Variants in NELL2 observed in about 807,000 individuals in gnomAD.
NELL2 encodes the protein neural EGFL like 2.
NELL2 carries 41 observed loss-of-function variants against 109.6 expected under a neutral mutation model. The observed-to-expected ratio is 0.37, with a 90% CI of 0.29 to 0.49. The LOEUF (loss-of-function observed/expected upper bound fraction) is 0.49, where lower values mean the gene tolerates loss of function less well. NELL2 is among the 20% of genes least tolerant of loss of function. The pLI, the probability that NELL2 is intolerant of heterozygous loss-of-function variation, is 0.98. For synonymous variants in NELL2, 355 were observed against 344.7 expected (o/e 1.03, Z -0.33); for missense variants, 900 against 1,008.3 (o/e 0.89, Z 1.45).
chr12:44,637,518 A>G (rs1329600390), intron 13 of NELL2, among the ~76,000 whole-genome samples: 1 of 136,910 alleles, frequency 7.3e-6, no homozygotes, highest in Non-Finnish European at 1.6e-5. Flanking sequence ...GTGAGCGAAT[A>G]ACAGGGAGAC....
intron 9 of NELL2, among the ~76,000 whole-genome samples, chr12:44,755,875 A>G (rs1940867674): frequency 2.6e-5 from 4 of 152,208 alleles, no homozygotes; most frequent in African/African-American, 9.6e-5. Context: ...GAATCAATCT[A>G]CTTTTCTCAT....
chr12:44,518,245 CTT>C (rs60721930), intron 19 of NELL2, among the ~76,000 whole-genome samples: 4 of 143,278 alleles, frequency 2.8e-5, no homozygotes, highest in East Asian at 2.0e-4. Context: ...CATTCAAATA[CTT>C]TTTTTTTTTT....
intron 2 of NELL2, among the ~76,000 whole-genome samples, chr12:44,839,433 A>G (rs991365276): frequency 3.3e-5 from 5 of 152,320 alleles, no homozygotes; most frequent in Middle Eastern, 3.4e-3. Context: ...TGTAACAATG[A>G]CCCAGATCAA....
upstream of NELL2, among the ~76,000 whole-genome samples, chr12:44,916,594 G>GCATCA (rs1592720726): frequency 1.3e-5 from 2 of 152,052 alleles, no homozygotes; most frequent in East Asian, 3.9e-4. Flanking sequence ...CACCTTCCTT[G>GCATCA]CACTCCTCAT....
chr12:44,657,080 A>G (rs561031558), intron 13 of NELL2, among the ~76,000 whole-genome samples: 2 of 152,372 alleles, frequency 1.3e-5, no homozygotes, highest in African/African-American at 4.8e-5. Context: ...TCTTTGCTTT[A>G]GTTGCTCAGC....
intron 15 of NELL2, among the ~76,000 whole-genome samples, chr12:44,586,327 CAT>C (rs1333394349): frequency 1.3e-5 from 2 of 149,538 alleles, no homozygotes; most frequent in Non-Finnish European, 3.0e-5. Flanking sequence ...TATATAAAAT[CAT>C]ATATATCGTA....
intron 9 of NELL2, among the ~76,000 whole-genome samples, chr12:44,738,392 A>G (rs1393807715): frequency 6.6e-6 from 1 of 152,142 alleles, no homozygotes; most frequent in Non-Finnish European, 1.5e-5. Flanking sequence ...AGATACAGAA[A>G]CATGGAAACA....
intron 13 of NELL2, among the ~76,000 whole-genome samples, chr12:44,620,812 CTT>C (rs758984219): frequency 6.6e-6 from 1 of 152,116 alleles, no homozygotes; most frequent in Non-Finnish European, 1.5e-5. Flanking sequence ...CTAAATAGCT[CTT>C]GTTTGGATTA....
intron 12 of NELL2, among the ~76,000 whole-genome samples, chr12:44,674,376 A>C (rs1027656339): frequency 2.6e-5 from 4 of 152,162 alleles, no homozygotes; most frequent in African/African-American, 9.6e-5. Context: ...AGAAAGGTTA[A>C]TGACTAAGAG....
intron 9 of NELL2, among the ~76,000 whole-genome samples, chr12:44,726,772 T>C (rs1939103867): frequency 6.6e-6 from 1 of 152,158 alleles, no homozygotes. Flanking sequence ...TTCAAAATCA[T>C]TCAACTTAAT....
intron 15 of NELL2, among the ~76,000 whole-genome samples, chr12:44,551,775 A>T (rs1227502543): frequency 6.6e-6 from 1 of 152,234 alleles, no homozygotes; most frequent in Non-Finnish European, 1.5e-5. Flanking sequence ...GGTAGGGCTT[A>T]GTGCCCAACT....
intron 16 of NELL2, among the ~76,000 whole-genome samples, chr12:44,528,075 G>A (rs1024681168): frequency 1.6e-5 from 2 of 124,682 alleles, no homozygotes; most frequent in African/African-American, 6.5e-5. Context: ...TCCAGCCTGG[G>A]CGACAGAGCG....
intron 19 of NELL2, among the ~76,000 whole-genome samples, chr12:44,517,834 C>T (rs1455146593): frequency 6.6e-6 from 1 of 152,094 alleles, no homozygotes; most frequent in Non-Finnish European, 1.5e-5. Context: ...CAATGCCCCA[C>T]ACGGTGTGTA....
At chr12:44,835,337 TGTGTTG>T (rs1448662765) in intron 2 of NELL2, among the ~76,000 whole-genome samples, 1 of 152,188 alleles carries the variant, frequency 6.6e-6, no homozygotes, top group Non-Finnish European at 1.5e-5. Flanking sequence ...AAATCATTAA[TGTGTTG>T]GTTCCTTTCA....
intron 2 of NELL2, among the ~76,000 whole-genome samples, chr12:44,869,875 G>T (rs1459192206): frequency 6.6e-6 from 1 of 152,082 alleles, no homozygotes; most frequent in African/African-American, 2.4e-5. Flanking sequence ...ATCAAGTTAT[G>T]AATATGTTTT....
At chr12:44,786,609 A>G (rs368208882) in intron 3 of NELL2, among the ~76,000 whole-genome samples, 2 of 152,328 alleles carry the variant, frequency 1.3e-5, no homozygotes, top group South Asian at 2.1e-4. Context: ...TACAATAGCA[A>G]AGACTTGGAA....
chr12:44,846,731 T>C (rs1012684930), intron 2 of NELL2, among the ~76,000 whole-genome samples: 6 of 151,578 alleles, frequency 4.0e-5, no homozygotes, highest in Admixed American at 3.3e-4. Context: ...CCCATGCCAA[T>C]AGCATATGTG....
chr12:44,879,889 G>A (rs1945391450), upstream of NELL2, among the ~76,000 whole-genome samples: 1 of 150,464 alleles, frequency 6.6e-6, no homozygotes, highest in Non-Finnish European at 1.5e-5. Context: ...CAGGTACAAG[G>A]TCCGAGATCA....
At chr12:44,891,996 TA>T (rs1390665996) in intron 1 of NELL2, among the ~76,000 whole-genome samples, 6 of 152,348 alleles carry the variant, frequency 3.9e-5, no homozygotes, top group Admixed American at 3.3e-4. Context: ...GAAATGAGCC[TA>T]TTCCAACAGT....
Sources: allele counts gnomAD v4.1 joint callset (sites outside exome capture counted in the v4.1 genomes callset), GRCh38; gene constraint gnomAD v4.1.1; transcripts MANE v1.5; gene names NCBI Gene and HGNC (gene_info 2026-07-23, HGNC 2026-07-21).